The following C12orf42 variants were observed in gnomAD, a reference collection of about 807,000 sequenced individuals.
C12orf42 encodes the protein uncharacterized protein C12orf42.
Under a neutral mutation model 21.6 loss-of-function variants are expected in C12orf42, and 25 were observed. That is an observed-to-expected ratio of 1.16 (90% CI 0.84 to 1.62). The LOEUF is 1.62. Ranked by LOEUF, C12orf42 falls within the 40% of genes most tolerant of loss-of-function variation. The pLI, the probability that C12orf42 is intolerant of heterozygous loss-of-function variation, is 0.00. For synonymous variants in C12orf42, 174 were observed against 175.0 expected (o/e 0.99, Z 0.05); for missense variants, 483 against 459.3 (o/e 1.05, Z -0.47).
chr12:103,455,266 G>A (rs1259459621), intron 2 of C12orf42, among the ~76,000 whole-genome samples: 5 of 152,076 alleles, frequency 3.3e-5, no homozygotes, highest in Admixed American at 6.6e-5. Flanking sequence ...AATCTCCCAC[G>A]CTTTCAAATG....
chr12:103,294,389 A>AAG (rs369596997), intron 4 of C12orf42, among the ~76,000 whole-genome samples: 1 of 118,776 alleles, frequency 8.4e-6, no homozygotes, highest in Non-Finnish European at 1.7e-5. Flanking sequence ...AGAAAGAAGA[A>AAG]AAAGAAAGAA....
At chr12:103,168,144 A>G in the C12orf42 span, 1 of 454,082 alleles carries the variant, frequency 2.2e-6, no homozygotes, top group Non-Finnish European at 4.4e-6. Flanking sequence ...AAGAGGCAAG[A>G]CCCAGGGCAT....
intron 4 of C12orf42, among the ~76,000 whole-genome samples, chr12:103,365,558 A>G (rs1375603090): frequency 6.6e-6 from 1 of 152,040 alleles, no homozygotes; most frequent in Non-Finnish European, 1.5e-5. Context: ...TGATGATATG[A>G]TTGTATACTT....
rs1001189743 is a variant in C12orf42 at position 103,451,086 on chromosome 12, C to T, written c.78+27263G>A. The stretch of plus-strand genomic sequence containing the variant: ...GGTGTGTCAGACTGCTGTAGGACAC[C>T]GCAATGCTGAGGTCTCAACAAATAG... On this transcript the variant is annotated intron_variant, in intron 2 of 5. Coordinates refer to ENST00000548883, the MANE Select transcript of C12orf42 (RefSeq NM_198521.5). Among the ~76,000 whole-genome samples, 10 of 152,092 alleles carry T rather than the reference C, an allele frequency of 6.6e-5. No homozygotes were observed. The East Asian group carries it at 7.7e-4, about 12-fold the overall frequency.
At chr12:103,560,156 T>C in the C12orf42 span, among the ~76,000 whole-genome samples, 62 of 152,370 alleles carry the variant, frequency 4.1e-4, no homozygotes, top group African/African-American at 1.4e-3. Context: ...TGGTCATTAA[T>C]GTCCCCATTT....
Position 103,469,492 on chromosome 12 carries a change from T to C in C12orf42, c.78+8857A>G, listed in dbSNP as rs192916523. On this transcript the variant is annotated intron_variant, in intron 2 of 5. Coordinates refer to ENST00000548883, the MANE Select transcript of C12orf42 (RefSeq NM_198521.5). ...ATGCAAATTTATTGTGTATGAATAC[T>C]TTTTTAAGAAAATCTGATTTTTTGG... Among the ~76,000 whole-genome samples the C allele has an allele frequency of 2.1e-3, 324 of 152,336 alleles. 1 individual carries two copies. Among genetic ancestry groups the C allele is most frequent in the Non-Finnish European group, 3.9e-3 (268 of 68,030 alleles).
the C12orf42 span, among the ~76,000 whole-genome samples, chr12:103,217,774 T>C: frequency 5.3e-5 from 8 of 152,130 alleles, no homozygotes; most frequent in Non-Finnish European, 7.3e-5. Flanking sequence ...TATAGTTATA[T>C]ATATTTGCTC....
chr12:103,226,152 T>C, the C12orf42 span, among the ~76,000 whole-genome samples: 1 of 152,186 alleles, frequency 6.6e-6, no homozygotes, highest in African/African-American at 2.4e-5. Context: ...AGCAAGCTCC[T>C]GGGGGAGGAG....
At chr12:103,096,654 A>G in the C12orf42 span, among the ~76,000 whole-genome samples, 1 of 152,258 alleles carries the variant, frequency 6.6e-6, no homozygotes, top group African/African-American at 2.4e-5. Flanking sequence ...TTAATGAACA[A>G]TAGCAAATAA....
the C12orf42 span, among the ~76,000 whole-genome samples, chr12:103,201,992 G>T: frequency 6.6e-6 from 1 of 152,182 alleles, no homozygotes; most frequent in South Asian, 2.1e-4. Flanking sequence ...ATTTAAGAAT[G>T]TATTCTAATA....
chr12:103,408,182 A>G (rs1170243289), intron 2 of C12orf42, among the ~76,000 whole-genome samples: 1 of 152,224 alleles, frequency 6.6e-6, no homozygotes, highest in African/African-American at 2.4e-5. Context: ...AGTACATAGT[A>G]TATAGTGAAC....
intron 10 of C12orf42, among the ~76,000 whole-genome samples, chr12:103,262,881 T>C (rs1593234488): frequency 6.6e-6 from 1 of 152,138 alleles, no homozygotes; most frequent in East Asian, 1.9e-4. Context: ...CTATTCACAA[T>C]AGCAAAGACT....
the C12orf42 span, among the ~76,000 whole-genome samples, chr12:103,530,441 A>G: frequency 6.6e-6 from 1 of 152,186 alleles, no homozygotes; most frequent in Non-Finnish European, 1.5e-5. Context: ...CCAGGCTTAG[A>G]AAAGGTTAAC....
In C12orf42 at chr12:103,482,933, A is replaced by T. The variant is rs368933522; in HGVS notation, c.-21-4486T>A. ...GAATTTTTAATTTAAATATATTTCT[A>T]TAAGTTTATTTTTACAATATGACTG... On this transcript the variant is annotated intron_variant, in intron 1 of 5. Coordinates refer to ENST00000548883, the MANE Select transcript of C12orf42 (RefSeq NM_198521.5). Among the ~76,000 whole-genome samples the T allele has an allele frequency of 7.2e-5, 11 of 152,150 alleles. No homozygotes were observed. The East Asian group carries it at 7.7e-4, about 11-fold the overall frequency.
chr12:103,173,864 T>C, the C12orf42 span, among the ~76,000 whole-genome samples: 1 of 152,160 alleles, frequency 6.6e-6, no homozygotes, highest in Non-Finnish European at 1.5e-5. Context: ...TATTTACTCA[T>C]ATTGCTCTCA....
downstream of C12orf42, among the ~76,000 whole-genome samples, chr12:103,233,307 G>A (rs186057720): frequency 2.0e-5 from 3 of 152,128 alleles, no homozygotes; most frequent in African/African-American, 2.4e-5. Flanking sequence ...GCTATTTTGC[G>A]TTTTTTGCCT....
intron 3 of C12orf42, among the ~76,000 whole-genome samples, chr12:103,389,119 A>C (rs2046863901): frequency 6.6e-6 from 1 of 152,210 alleles, no homozygotes. Context: ...CAGAGCAGGA[A>C]ATAGGGGCTC....
the C12orf42 span, among the ~76,000 whole-genome samples, chr12:103,099,650 T>C: frequency 2.5e-3 from 378 of 152,374 alleles, 22 homozygotes; most frequent in South Asian, 0.077. Flanking sequence ...ATTTTTATTT[T>C]ACTTACTTAA....
chr12:103,454,861 G>A (rs1197257267), intron 2 of C12orf42, among the ~76,000 whole-genome samples: 1 of 152,110 alleles, frequency 6.6e-6, no homozygotes, highest in East Asian at 1.9e-4. Context: ...AACAGCACGT[G>A]TCTCACACTC....
Sources: gnomAD v4.1 joint callset for allele counts (sites outside exome capture counted in the v4.1 genomes callset) on GRCh38, gnomAD v4.1.1 for gene constraint, MANE v1.5 for transcripts, NCBI Gene and HGNC (gene_info 2026-07-23, HGNC 2026-07-21) for gene names.